The following IDH3A variants were observed in gnomAD, a reference collection of about 807,000 sequenced individuals.
IDH3A encodes isocitrate dehydrogenase [NAD] subunit alpha, mitochondrial.
A neutral mutation model predicts 43.3 loss-of-function variants in IDH3A; 23 were observed. The ratio of observed to expected loss-of-function variants is 0.53; its 90% CI spans 0.38 to 0.75. IDH3A has a LOEUF of 0.75. Ranked by LOEUF, IDH3A falls within the 30% of genes least tolerant of loss-of-function variation. IDH3A has a pLI of 0.00. For synonymous variants in IDH3A, 154 were observed against 163.5 expected, an observed-to-expected ratio of 0.94 and a Z score of 0.44; for missense variants, 329 against 474.4, an observed-to-expected ratio of 0.69 and a Z score of 2.85.
chr15:78,153,106 T>C (rs190091215), intron 1 of IDH3A, among the ~76,000 whole-genome samples: 156 of 152,230 alleles, frequency 1.0e-3, no homozygotes, highest in African/African-American at 3.1e-3. Flanking sequence ...TTTTCATTCT[T>C]TCTTTCTTTT....
chr15:78,152,135 T>G (rs916776255), intron 1 of IDH3A, among the ~76,000 whole-genome samples: 4 of 141,632 alleles, frequency 2.8e-5, no homozygotes, highest in Non-Finnish European at 4.5e-5. Context: ...CTTGGCTCAC[T>G]GCAACCTCCA....
intron 6 of IDH3A, among the ~76,000 whole-genome samples, chr15:78,162,719 T>C (rs972977538): frequency 5.3e-5 from 8 of 152,076 alleles, no homozygotes; most frequent in Non-Finnish European, 8.8e-5. Context: ...CTAATTTTTG[T>C]ATTTTCAGTG....
chr15:78,157,779 A>G, intron 3 of IDH3A, 148 bp downstream of exon 3: 1 of 581,686 alleles, frequency 1.7e-6, no homozygotes, highest in Non-Finnish European at 3.0e-6. Flanking sequence ...TGTCACTTTA[A>G]CAGTGTGTGT....
chr15:78,156,425 A>G (rs1440883887), intron 2 of IDH3A, among the ~76,000 whole-genome samples: 1 of 152,196 alleles, frequency 6.6e-6, no homozygotes, highest in African/African-American at 2.4e-5. Flanking sequence ...GTGAGCTGTG[A>G]TCACACCTGT....
At chr15:78,157,386 C>A in intron 2 of IDH3A, 162 bp from the exon 3 acceptor site, 1 of 629,396 alleles carries the variant, frequency 1.6e-6, no homozygotes, top group South Asian at 2.3e-5. Flanking sequence ...TTGATTCCTG[C>A]CTCCCCTTTG....
At chr15:78,160,394 A>C (rs899495560) in intron 4 of IDH3A, among the ~76,000 whole-genome samples, 188 bp downstream of exon 4, 1 of 152,230 alleles carries the variant, frequency 6.6e-6, no homozygotes, top group African/African-American at 2.4e-5. Context: ...CCAGTAAAAA[A>C]CATTAAAGTA....
rs540179821 is a variant in IDH3A, at chr15:78,157,088, C to A, written c.91-460C>A. On this transcript the variant is annotated intron_variant, in intron 2 of 10. Transcript: ENST00000299518. ...ATGTTTTGCAAGACTGAAGAAGTTG[C>A]ATGAGAAGCTTTCCAGGATCACAAT... The A allele has an allele frequency of 6.9e-6, 8 of 1,158,032 alleles. No individual in the cohort carries two copies. The East Asian group carries it at 5.2e-4, about 75-fold the overall frequency. The allele number at this position is 1,158,032 out of a possible 1,614,324, so 71.7% of individuals were successfully genotyped here. A position where few individuals can be genotyped will look rare whatever the true frequency, so the allele number is the denominator to read the frequency against.
In IDH3A at chr15:78,149,421, G is replaced by C; in HGVS notation, c.18G>C (p.Trp6Cys). ...GGGAAGCGATGGCTGGGCCCGCGTG[G>C]ATCTCTAAGGTGAGCGCTGGCAGGC... MAGPA[W>C]ISKVSRLLGA... The change falls in exon 1 of 11, where the codon TGG becomes TGC. Residue 6 changes from tryptophan (W) to cysteine (C), a missense_variant. Trp to Cys is a radical substitution (Grantham distance 215). This residue lies in a region of IDH3A where 26 missense variants were observed against 17.2 expected (regional missense o/e 1.51). Coordinates refer to ENST00000299518, the MANE Select transcript of IDH3A (RefSeq NM_005530.3). 1 of 1,552,630 alleles carries C rather than the reference G, an allele frequency of 6.4e-7. No homozygotes were observed. The highest frequency in any genetic ancestry group is 8.6e-7 in the Non-Finnish European group (1 of 1,156,560).
intron 10 of IDH3A, 72 bp from the exon 11 acceptor site, chr15:78,168,850 G>A: frequency 1.0e-6 from 1 of 966,510 alleles, no homozygotes; most frequent in Non-Finnish European, 1.6e-6. Flanking sequence ...ATCTCACTGA[G>A]GGCTTTAAAA....
Position 78,169,652 on chromosome 15 carries a change from T to C in IDH3A, c.*647T>C, listed in dbSNP as rs1228694574. On this transcript the variant is annotated 3_prime_UTR_variant, in exon 11 of 11. Coordinates refer to ENST00000299518, the MANE Select transcript of IDH3A (RefSeq NM_005530.3). Reference sequence around the variant, plus strand: ...ATTTTTGTTAATAAGACAAAGGTAATATATTGGATACAAAGACACAAATGT... The same window carrying C: ...ATTTTTGTTAATAAGACAAAGGTAACATATTGGATACAAAGACACAAATGT... 6.6e-6 allele frequency: 1 copy of C among 152,236 alleles called. No individual in the cohort carries two copies. The highest frequency in any genetic ancestry group is 1.5e-5 in the Non-Finnish European group (1 of 68,042). 9.4% of individuals were successfully genotyped at this position (152,236 alleles called of 1,614,324 possible).
rs1403609177 is a variant in IDH3A at position 78,165,056 on chromosome 15, G to A, written c.844G>A (p.Gly282Arg). ...VTPSGNIGANGVAIFESVHGT... is the reference protein window; with the variant it reads ...VTPSGNIGANRVAIFESVHGT... ...ACCAAGTGGCAACATTGGAGCCAAT[G>A]GGGTTGCAATTTTTGAGTCGGTAAG... Residue 282 changes from glycine to arginine, a missense_variant, in exon 9 of 11, where the codon GGG (glycine) becomes AGG (arginine). Around this residue, in one of 3 missense-constraint regions of IDH3A, gnomAD observed 91 missense variants for 111.6 expected, o/e 0.82. Coordinates refer to ENST00000299518, the MANE Select transcript of IDH3A (RefSeq NM_005530.3). 1.9e-6 allele frequency: 3 copies of A among 1,613,608 alleles called. No individual in the cohort carries two copies. The highest frequency in any genetic ancestry group is 1.7e-5 in the Admixed American group (1 of 60,016).
intron 8 of IDH3A, 31 bp downstream of exon 8, chr15:78,163,811 C>T (rs367819189): frequency 9.1e-5 from 129 of 1,424,554 alleles, no homozygotes; most frequent in Non-Finnish European, 1.1e-4. Flanking sequence ...TTTATTTTAG[C>T]CTATGATTTA....
Position 78,166,229 on chromosome 15 carries a change from T to A in IDH3A, c.944T>A (p.Leu315Gln). The change falls in exon 10 of 11, where the codon CTG becomes CAG. Residue 315 changes from leucine to glutamine, a missense_variant. Around this residue, in one of 3 missense-constraint regions of IDH3A, gnomAD observed 91 missense variants for 111.6 expected, o/e 0.82. Coordinates refer to ENST00000299518, the MANE Select transcript of IDH3A (RefSeq NM_005530.3). ...TALLLSAVMM[L>Q]RHMGLFDHAA... The stretch of plus-strand genomic sequence containing the variant: ...CTCCTGCTCAGTGCCGTGATGATGC[T>A]GCGCCACATGGGACTTTTTGACCAT... 1.2e-6 allele frequency: 2 copies of A among 1,614,194 alleles called. No individual in the cohort carries two copies. Among genetic ancestry groups the A allele is most frequent in the Non-Finnish European group, 1.7e-6 (2 of 1,180,010 alleles).
At position 78,157,230 on chromosome 15, in the gene IDH3A, CTT is replaced by C. The variant is rs1362507461; in HGVS notation, c.91-316_91-315del. 3 of 981,516 alleles carry C rather than the reference CTT, an allele frequency of 3.1e-6. No homozygotes were observed. The African/African-American group carries it at 5.1e-5, about 17-fold the overall frequency. 60.8% of individuals were successfully genotyped at this position (981,516 alleles called of 1,614,324 possible). ...TTAAAAGATTTGAATTAATTGGTCTCTTTGCAGCTTGTCTGAAAAGAAATATC... is the reference window on the plus strand; with the variant it reads ...TTAAAAGATTTGAATTAATTGGTCTCTGCAGCTTGTCTGAAAAGAAATATC... On this transcript the variant is annotated intron_variant, in intron 2 of 10. Coordinates refer to ENST00000299518, the MANE Select transcript of IDH3A (RefSeq NM_005530.3).
Position 78,169,232 on chromosome 15 carries a change from TG to T in IDH3A, c.*229del, listed in dbSNP as rs1404253182. The T allele has an allele frequency of 2.0e-5, 7 of 345,660 alleles. No individual in the cohort carries two copies. Among genetic ancestry groups the T allele is most frequent in the African/African-American group, 1.3e-4 (6 of 47,582 alleles). 21.4% of individuals were successfully genotyped at this position (345,660 alleles called of 1,614,324 possible). On this transcript the variant is annotated 3_prime_UTR_variant, in exon 11 of 11. Transcript: ENST00000299518. ...TTGTTTTATTTATTAAGTGTCTACC[TG>T]GTAAATGTTTTTTTTGTAAACTCTG...
intron 4 of IDH3A, among the ~76,000 whole-genome samples, chr15:78,160,453 A>G (rs2074670524): frequency 6.6e-6 from 1 of 152,086 alleles, no homozygotes; most frequent in Non-Finnish European, 1.5e-5. Flanking sequence ...CTTCAACTAT[A>G]TATATCTTTT....
chr15:78,164,634 G>C (rs1045121997), intron 8 of IDH3A, among the ~76,000 whole-genome samples: 1 of 152,220 alleles, frequency 6.6e-6, no homozygotes, highest in African/African-American at 2.4e-5. Flanking sequence ...TTACAGGCAT[G>C]AGCCACTGAG....
At chr15:78,151,703 G>A (rs2074577207) in intron 1 of IDH3A, among the ~76,000 whole-genome samples, 1 of 152,026 alleles carries the variant, frequency 6.6e-6, no homozygotes, top group Non-Finnish European at 1.5e-5. Flanking sequence ...CAGGGTTTTG[G>A]TCCAGGCTTC....
chr15:78,163,713 T>C lies in IDH3A; in HGVS notation c.715-3T>C, dbSNP rs774520585. The C allele has an allele frequency of 6.8e-6, 11 of 1,611,464 alleles. No individual in the cohort carries two copies. Among genetic ancestry groups the C allele is most frequent in the Non-Finnish European group, 9.3e-6 (11 of 1,177,736 alleles). ...ACTAAATGCACAAATGTATTCCTTG[T>C]AGATGGTACAAGATCCTTCCCAATT... On this transcript the variant is annotated splice_polypyrimidine_tract_variant and splice_region_variant and intron_variant, in intron 7 of 10. Transcript: ENST00000299518.
Sources: allele counts gnomAD v4.1 joint callset (sites outside exome capture counted in the v4.1 genomes callset), GRCh38; gene constraint gnomAD v4.1.1; regional missense constraint gnomAD v4.1.1; transcripts MANE v1.5; gene names NCBI Gene and HGNC (gene_info 2026-07-23, HGNC 2026-07-21).